The following NSG2 variants were observed in gnomAD, a reference collection of about 807,000 sequenced individuals.
NSG2 encodes the protein neuronal vesicle trafficking associated 2.
A neutral mutation model predicts 16.9 loss-of-function variants in NSG2; 4 were observed. The ratio of observed to expected loss-of-function variants is 0.24; its 90% CI spans 0.12 to 0.54. The LOEUF (loss-of-function observed/expected upper bound fraction) is 0.54. Among genes scored for constraint, NSG2 ranks in the 20% least tolerant of loss-of-function variants. NSG2 has a pLI of 0.95. For synonymous variants in NSG2, 98 were observed against 88.7 expected (o/e 1.11, Z -0.59); for missense variants, 179 against 221.1 (o/e 0.81, Z 1.21).
At chr5:174,085,854 C>T (rs1008170053) in intron 3 of NSG2, among the ~76,000 whole-genome samples, 1 of 152,222 alleles carries the variant, frequency 6.6e-6, no homozygotes. Context: ...CTAGGAAGTC[C>T]TTTCACCTTG....
At chr5:174,070,222 C>T (rs1221604976) in intron 3 of NSG2, among the ~76,000 whole-genome samples, 2 of 152,048 alleles carry the variant, frequency 1.3e-5, no homozygotes, top group African/African-American at 4.8e-5. Context: ...TTTAGTACTT[C>T]AGTTATAAGA....
intron 3 of NSG2, among the ~76,000 whole-genome samples, chr5:174,080,551 T>TTCTCTCTCTCTCTCTCTCTCTCTCTCTC (rs1760441340): frequency 1.7e-5 from 2 of 117,698 alleles, no homozygotes; most frequent in African/African-American, 6.6e-5. Flanking sequence ...CTCTCTCTCT[T>TTCTCTCTCTCTCTCTCTCTCTCTCTCTC]TCTTTTCTTT....
intron 3 of NSG2, among the ~76,000 whole-genome samples, chr5:174,097,791 GTC>G (rs1231651138): frequency 2.0e-5 from 3 of 151,078 alleles, no homozygotes; most frequent in South Asian, 2.1e-4. Flanking sequence ...CAGTGTGTGT[GTC>G]TCTGTGTGTG....
chr5:174,057,206 T>A (rs922692330), intron 2 of NSG2, among the ~76,000 whole-genome samples: 2 of 152,232 alleles, frequency 1.3e-5, no homozygotes, highest in Admixed American at 1.3e-4. Flanking sequence ...TTTTCTTCTC[T>A]CATTTCTGCT....
chr5:174,066,981 C>A, intron 3 of NSG2, among the ~76,000 whole-genome samples: 2 of 98,040 alleles, frequency 2.0e-5, no homozygotes, highest in East Asian at 3.2e-4. Context: ...CAGAGCGAGA[C>A]TCTGTCTCAA....
At chr5:174,085,679 C>A (rs1169852593) in intron 3 of NSG2, among the ~76,000 whole-genome samples, 1 of 152,106 alleles carries the variant, frequency 6.6e-6, no homozygotes, top group Non-Finnish European at 1.5e-5. Flanking sequence ...TACAAAATGA[C>A]CCTGGTGAGA....
intron 3 of NSG2, among the ~76,000 whole-genome samples, chr5:174,093,651 G>C (rs139536207): frequency 6.6e-6 from 1 of 152,182 alleles, no homozygotes; most frequent in Non-Finnish European, 1.5e-5. Context: ...ACAAGGTGCC[G>C]GGAGGCCTAA....
At chr5:174,102,757 TA>T (rs1489130844) in intron 3 of NSG2, among the ~76,000 whole-genome samples, 1 of 120,326 alleles carries the variant, frequency 8.3e-6, no homozygotes, top group Admixed American at 8.2e-5. Context: ...TTGTTTTTTT[TA>T]TTTATTTATT....
At chr5:174,105,325 G>A (rs1485226558) in intron 4 of NSG2, among the ~76,000 whole-genome samples, 3 of 152,168 alleles carry the variant, frequency 2.0e-5, no homozygotes, top group African/African-American at 7.2e-5. Context: ...ACCGCCTCTA[G>A]CTGGTTGACT....
chr5:174,099,498 C>T (rs1380898106), intron 3 of NSG2, among the ~76,000 whole-genome samples: 1 of 152,116 alleles, frequency 6.6e-6, no homozygotes, highest in Non-Finnish European at 1.5e-5. Context: ...CTGTTGCCCC[C>T]AGAGACATCA....
At chr5:174,093,447 T>C (rs1760750449) in intron 3 of NSG2, among the ~76,000 whole-genome samples, 2 of 152,144 alleles carry the variant, frequency 1.3e-5, no homozygotes, top group South Asian at 4.1e-4. Context: ...CCAGGTTCAT[T>C]GGTGAGCAGG....
intron 3 of NSG2, among the ~76,000 whole-genome samples, chr5:174,086,092 C>A (rs2113460390): frequency 6.6e-6 from 1 of 152,188 alleles, no homozygotes; most frequent in South Asian, 2.1e-4. Context: ...TAACCCCCTG[C>A]CCTGCCCTGT....
chr5:174,090,576 G>A (rs1167501155), intron 3 of NSG2, among the ~76,000 whole-genome samples: 1 of 152,252 alleles, frequency 6.6e-6, no homozygotes, highest in Admixed American at 6.5e-5. Flanking sequence ...CACCAGCCAA[G>A]GGGCCAGTCT....
chr5:174,054,724 G>GA (rs1186539486), intron 2 of NSG2, among the ~76,000 whole-genome samples: 2 of 152,156 alleles, frequency 1.3e-5, no homozygotes, highest in African/African-American at 2.4e-5. Flanking sequence ...CACAGACAGT[G>GA]AATGGTCTCA....
At chr5:174,055,904 T>C (rs1172164455) in intron 2 of NSG2, among the ~76,000 whole-genome samples, 1 of 152,204 alleles carries the variant, frequency 6.6e-6, no homozygotes, top group Non-Finnish European at 1.5e-5. Flanking sequence ...TTTTGAGCAC[T>C]GACATTTTAC....
At chr5:174,091,619 C>A (rs2113466456) in intron 3 of NSG2, among the ~76,000 whole-genome samples, 1 of 149,030 alleles carries the variant, frequency 6.7e-6, no homozygotes, top group Non-Finnish European at 1.5e-5. Context: ...TAGCAGACAG[C>A]CTAGAACTTT....
chr5:174,051,162 A>G (rs1407622097), intron 2 of NSG2, among the ~76,000 whole-genome samples: 1 of 152,164 alleles, frequency 6.6e-6, no homozygotes, highest in Non-Finnish European at 1.5e-5. Context: ...TGTCACAACT[A>G]GAGGGAGGAT....
intron 3 of NSG2, among the ~76,000 whole-genome samples, chr5:174,070,389 T>C (rs7717040): frequency 0.14 from 21,385 of 152,156 alleles, 2,107 homozygotes; most frequent in African/African-American, 0.28. Flanking sequence ...AGCCAGGAAA[T>C]GTCAGAACAA....
At chr5:174,056,381 C>A (rs1759968216) in intron 2 of NSG2, 1 of 152,204 alleles carries the variant, frequency 6.6e-6, no homozygotes, top group South Asian at 2.1e-4. Context: ...ACAAAAAACC[C>A]AAAACCATGA....
Sources: gnomAD v4.1 joint callset for allele counts (sites outside exome capture counted in the v4.1 genomes callset) on GRCh38, gnomAD v4.1.1 for gene constraint, MANE v1.5 for transcripts, NCBI Gene and HGNC (gene_info 2026-07-23, HGNC 2026-07-21) for gene names.